Variants in PHAF1 observed in about 807,000 individuals in gnomAD.
The protein encoded by PHAF1 is phagophore assembly factor 1.
A neutral mutation model predicts 63.1 loss-of-function variants in PHAF1; 23 were observed. The observed-to-expected ratio is 0.36, with a 90% CI of 0.26 to 0.52. The LOEUF (loss-of-function observed/expected upper bound fraction) is 0.52, where lower values mean the gene tolerates loss of function less well. Among genes scored for constraint, PHAF1 ranks in the 20% least tolerant of loss-of-function variants. PHAF1 has a pLI of 0.93. For missense variants in PHAF1, 427 were observed against 517.2 expected, an observed-to-expected ratio of 0.83 and a Z score of 1.69; for synonymous variants, 167 against 185.0, an observed-to-expected ratio of 0.90 and a Z score of 0.79.
At chr16:67,114,197 T>G (rs1203822117) in intron 1 of PHAF1, among the ~76,000 whole-genome samples, 1 of 152,088 alleles carries the variant, frequency 6.6e-6, no homozygotes, top group Non-Finnish European at 1.5e-5. Context: ...CTGTGAACTC[T>G]GCTCACAAAC....
At chr16:67,120,477 G>A (rs1425268264) in intron 2 of PHAF1, among the ~76,000 whole-genome samples, 2 of 151,732 alleles carry the variant, frequency 1.3e-5, no homozygotes, top group Admixed American at 6.6e-5. Context: ...GTGGTAGGTC[G>A]CTTCAGAGGC....
At chr16:67,134,599 G>A (rs1460004502) in intron 8 of PHAF1, 132 bp downstream of exon 8, 2 of 838,310 alleles carry the variant, frequency 2.4e-6, no homozygotes, top group South Asian at 2.7e-5. Flanking sequence ...CTGAGTGGCT[G>A]CTAAACAACA....
At chr16:67,118,196 A>T (rs1962822955) in intron 1 of PHAF1, among the ~76,000 whole-genome samples, 1 of 136,608 alleles carries the variant, frequency 7.3e-6, no homozygotes, top group Non-Finnish European at 1.5e-5. Context: ...GATGGTCTCG[A>T]TCTCCTGACC....
intron 3 of PHAF1, 103 bp from the exon 4 acceptor site, chr16:67,131,183 T>G (rs1963380780): frequency 4.7e-6 from 2 of 425,706 alleles, no homozygotes; most frequent in Non-Finnish European, 7.4e-6. Context: ...GGTAATAGTT[T>G]TTTTTTTTTT....
chr16:67,145,389 T>A lies in PHAF1; in HGVS notation c.1020T>A (p.Gly340=), dbSNP rs747135456. The change falls in exon 13 of 16, where the codon GGT becomes GGA. Residue 340 remains glycine (G), a synonymous_variant. Coordinates refer to ENST00000219139, the MANE Select transcript of PHAF1 (RefSeq NM_025187.5). ...PLAIKKENAD[G]QTETCTTYSK... The stretch of plus-strand genomic sequence containing the variant: ...TTCTCTTTTCAGAAAACGCAGATGG[T>A]CAGACAGAAACATGCACGACCTACA... The A allele has an allele frequency of 6.2e-7, 1 of 1,614,072 alleles. No homozygotes were observed. The highest frequency in any genetic ancestry group is 8.5e-7 in the Non-Finnish European group (1 of 1,179,998).
rs564365669 is a variant in PHAF1, at chr16:67,109,979, G to A, written c.-197G>A. 5 of 529,680 alleles carry A rather than the reference G, an allele frequency of 9.4e-6. No individual in the cohort carries two copies. Among genetic ancestry groups the A allele is most frequent in the Non-Finnish European group, 1.3e-5 (4 of 303,644 alleles). 32.8% of individuals were successfully genotyped at this position (529,680 alleles called of 1,614,324 possible). On this transcript the variant is annotated 5_prime_UTR_variant, in exon 1 of 16. Coordinates refer to ENST00000219139, the MANE Select transcript of PHAF1 (RefSeq NM_025187.5). ...CCGCCGTCGTTGCCCCCGCTGCCGCGGCTGCTGCAGGTGAGGTGAAGTGAG... is the reference window on the plus strand; with the variant it reads ...CCGCCGTCGTTGCCCCCGCTGCCGCAGCTGCTGCAGGTGAGGTGAAGTGAG...
intron 1 of PHAF1, among the ~76,000 whole-genome samples, chr16:67,113,476 G>A (rs1189778035): frequency 2.8e-5 from 4 of 143,082 alleles, no homozygotes; most frequent in African/African-American, 7.8e-5. Flanking sequence ...TTGAGACGGT[G>A]TCTCACTCTG....
intron 8 of PHAF1, chr16:67,135,677 A>T (rs1963578958): frequency 6.6e-6 from 1 of 151,858 alleles, no homozygotes; most frequent in Non-Finnish European, 1.5e-5. Flanking sequence ...TTGCTGTGTT[A>T]CCCAGAATGA....
intron 11 of PHAF1, 60 bp from the exon 12 acceptor site, chr16:67,144,774 A>G (rs561869298): frequency 6.4e-7 from 1 of 1,562,072 alleles, no homozygotes; most frequent in South Asian, 1.1e-5. Context: ...TGGGGTTGGA[A>G]TATGGGAGTG....
intron 10 of PHAF1, among the ~76,000 whole-genome samples, chr16:67,143,931 A>G (rs1488242151): frequency 6.6e-6 from 1 of 152,016 alleles, no homozygotes; most frequent in African/African-American, 2.4e-5. Flanking sequence ...TCTACTAAAA[A>G]TAAAAATAAA....
At chr16:67,142,615 G>T (rs978750570) in intron 10 of PHAF1, among the ~76,000 whole-genome samples, 3 of 152,264 alleles carry the variant, frequency 2.0e-5, no homozygotes, top group African/African-American at 4.8e-5. Flanking sequence ...CCCCTCCCCA[G>T]AGCAGGCACC....
At chr16:67,111,059 C>G (rs1962494560) in intron 1 of PHAF1, among the ~76,000 whole-genome samples, 1 of 152,178 alleles carries the variant, frequency 6.6e-6, no homozygotes, top group African/African-American at 2.4e-5. Context: ...CGTGATCCGC[C>G]CACCTCGGCC....
chr16:67,120,162 A>G lies in PHAF1; in HGVS notation c.115A>G (p.Ile39Val). 6.2e-7 allele frequency: 1 copy of G among 1,614,148 alleles called. No individual in the cohort carries two copies. Among genetic ancestry groups the G allele is most frequent in the South Asian group, 1.1e-5 (1 of 91,078 alleles). ...CATTCTTCAGAAGCACTGTCGCATC[A>G]TCAAAAACGTCCAGGTTCTCTACAG... Reference protein sequence around the residue: ...VAILQKHCRIIKNVQVLYSEQ... With the variant: ...VAILQKHCRIVKNVQVLYSEQ... Residue 39 changes from isoleucine (I) to valine (V), a missense_variant, in exon 2 of 16, where the codon ATC becomes GTC. By Grantham distance (29) the Ile-to-Val change is conservative. Transcript: ENST00000219139.
intron 2 of PHAF1, among the ~76,000 whole-genome samples, chr16:67,122,825 C>T (rs986016316): frequency 2.0e-5 from 3 of 152,082 alleles, no homozygotes; most frequent in African/African-American, 7.2e-5. Context: ...ACCTCCCAGG[C>T]TCAACCGATT....
At position 67,140,085 on chromosome 16, in the gene PHAF1, CCACA is replaced by C; in HGVS notation, c.766_769del (p.His256LysfsTer10). On this transcript the variant is annotated frameshift_variant, in exon 9 of 16. Transcript: ENST00000219139. LOFTEE classifies it high-confidence loss of function. Reference sequence around the variant, plus strand: ...AGATGTTCTTAGCATGCTTGGCTCTCCACACAAAGTCTTCTATAAATCAGAAGAC... The same window carrying C: ...AGATGTTCTTAGCATGCTTGGCTCTCCAAAGTCTTCTATAAATCAGAAGAC... 6.2e-7 allele frequency: 1 copy of C among 1,614,054 alleles called. No homozygotes were observed. The highest frequency in any genetic ancestry group is 8.5e-7 in the Non-Finnish European group (1 of 1,180,012).
intron 1 of PHAF1, among the ~76,000 whole-genome samples, chr16:67,119,206 G>A (rs986460819): frequency 2.6e-5 from 4 of 152,362 alleles, no homozygotes; most frequent in South Asian, 2.1e-4. Flanking sequence ...AGCCATGGCA[G>A]AGTGAGGACC....
intron 10 of PHAF1, among the ~76,000 whole-genome samples, chr16:67,142,555 G>T (rs559437531): frequency 9.2e-5 from 14 of 152,172 alleles, no homozygotes; most frequent in Non-Finnish European, 2.1e-4. Flanking sequence ...CCCTGAGTGC[G>T]TGCACTCCCA....
chr16:67,145,001 TG>T, intron 12 of PHAF1, 124 bp downstream of exon 12: 1 of 1,220,758 alleles, frequency 8.2e-7, no homozygotes. Context: ...TCAGTTCCTC[TG>T]GGGTGGGCTC....
rs759450085 is a variant in PHAF1, at chr16:67,125,945, T to C, written c.148-14T>C. The C allele has an allele frequency of 1.3e-6, 2 of 1,585,852 alleles. No homozygotes were observed. Among genetic ancestry groups the C allele is most frequent in the African/African-American group, 1.3e-5 (1 of 74,440 alleles). On this transcript the variant is annotated splice_polypyrimidine_tract_variant and intron_variant, in intron 2 of 15. Coordinates refer to ENST00000219139, the MANE Select transcript of PHAF1 (RefSeq NM_025187.5). ...AATCAGTTACTCAGAATGTATTTTA[T>C]TTTTGTTTTGTAGTCTCCTCTAAGC... is the stretch of plus-strand genomic sequence containing the variant.
Sources: allele counts gnomAD v4.1 joint callset (sites outside exome capture counted in the v4.1 genomes callset), GRCh38; gene constraint gnomAD v4.1.1; transcripts MANE v1.5; gene names NCBI Gene and HGNC (gene_info 2026-07-23, HGNC 2026-07-21).